Variants in EPHA5 observed in about 807,000 individuals in gnomAD.
EPHA5 encodes ephrin type-A receptor 5.
A neutral mutation model predicts 105.0 loss-of-function variants in EPHA5; 60 were observed. The observed-to-expected ratio is 0.57, with a 90% CI of 0.46 to 0.71. The LOEUF is 0.71. EPHA5 is among the 30% of genes least tolerant of loss of function. EPHA5 has a pLI of 0.00. For missense variants in EPHA5, 1,218 were observed against 1,274.7 expected (o/e 0.96, Z 0.68); for synonymous variants, 513 against 449.1 (o/e 1.14, Z -1.80).
intron 1 of EPHA5, among the ~76,000 whole-genome samples, chr4:65,650,855 A>T (rs1018941556): frequency 6.6e-6 from 1 of 152,190 alleles, no homozygotes; most frequent in African/African-American, 2.4e-5. Flanking sequence ...GTAAACCACC[A>T]ATATAATCAT....
intron 1 of EPHA5, among the ~76,000 whole-genome samples, chr4:65,664,988 T>C (rs1033939394): frequency 6.6e-6 from 1 of 151,934 alleles, no homozygotes; most frequent in Non-Finnish European, 1.5e-5. Context: ...TAACTTAAAT[T>C]GGAACTATTC....
At chr4:65,656,477 G>A (rs1287492231) in intron 1 of EPHA5, among the ~76,000 whole-genome samples, 2 of 150,100 alleles carry the variant, frequency 1.3e-5, no homozygotes, top group Non-Finnish European at 3.0e-5. Flanking sequence ...CCATATGCAT[G>A]TTTTCTTGTG....
intron 3 of EPHA5, among the ~76,000 whole-genome samples, chr4:65,552,321 A>G (rs983513077): frequency 1.3e-5 from 2 of 152,156 alleles, no homozygotes; most frequent in South Asian, 4.1e-4. Flanking sequence ...ATCTTTCCAC[A>G]CGGTTTATCC....
In EPHA5 at chr4:65,366,150, TA is replaced by T. The variant is rs1717891017; in HGVS notation, c.1862-94del. 4.9e-6 allele frequency: 6 copies of T among 1,213,258 alleles called. No homozygotes were observed. In the Admixed American group the frequency reaches 1.1e-4, roughly 23 times the overall value. The allele number at this position is 1,213,258 out of a possible 1,614,324, so 75.2% of individuals were successfully genotyped here. A position where few individuals can be genotyped will look rare whatever the true frequency, so the allele number is the denominator to read the frequency against. On this transcript the variant is annotated intron_variant, in intron 9 of 16. Coordinates refer to ENST00000613740, the MANE Select transcript of EPHA5 (RefSeq NM_001281766.3). ...AACATGCAAGTATGGCTTAAATCTC[TA>T]ATTCCTGGAAGTATTCAAACTGCAA...
At position 65,646,820 on chromosome 4, in the gene EPHA5, CTT is replaced by C. The variant is rs1748150953; in HGVS notation, c.182-3395_182-3394del. ...AATTAAAGTAATAAAATATTTTAGTCTTATTTATAAAAATAAAAACAGAATAT... is the reference window on the plus strand; with the variant it reads ...AATTAAAGTAATAAAATATTTTAGTCATTTATAAAAATAAAAACAGAATAT... On this transcript the variant is annotated intron_variant, in intron 1 of 16. Coordinates refer to ENST00000613740, the MANE Select transcript of EPHA5 (RefSeq NM_001281766.3). 2.0e-5 allele frequency among the ~76,000 whole-genome samples: 3 copies of C among 152,004 alleles called. 1 individual carries two copies. Among genetic ancestry groups the C allele is most frequent in the African/African-American group, 7.2e-5 (3 of 41,394 alleles).
At chr4:65,404,114 T>C (rs1418771692) in intron 8 of EPHA5, among the ~76,000 whole-genome samples, 1 of 152,100 alleles carries the variant, frequency 6.6e-6, no homozygotes, top group African/African-American at 2.4e-5. Context: ...TAAAGAGATA[T>C]AGCTATATTA....
At chr4:65,476,117 A>AGC (rs1293931481) in intron 5 of EPHA5, among the ~76,000 whole-genome samples, 22 of 127,862 alleles carry the variant, frequency 1.7e-4, no homozygotes, top group Admixed American at 4.1e-4. Context: ...AGAGAGAGAG[A>AGC]GAGAGAGAGA....
intron 1 of EPHA5, among the ~76,000 whole-genome samples, chr4:65,649,925 C>T (rs2149526100): frequency 6.6e-6 from 1 of 152,244 alleles, no homozygotes. Context: ...TGTACCATCC[C>T]TTCAAATCTC....
At chr4:65,433,032 A>G (rs1725123924) in intron 5 of EPHA5, among the ~76,000 whole-genome samples, 1 of 152,134 alleles carries the variant, frequency 6.6e-6, no homozygotes, top group Admixed American at 6.6e-5. Context: ...ATTCAAAGAG[A>G]GATGTAGCAT....
intron 1 of EPHA5, among the ~76,000 whole-genome samples, chr4:65,656,617 T>C (rs1272663554): frequency 1.4e-5 from 2 of 147,558 alleles, no homozygotes; most frequent in East Asian, 2.0e-4. Context: ...TATAATAATG[T>C]GATTGTTTAT....
chr4:65,491,783 T>C (rs1295253504), intron 4 of EPHA5, among the ~76,000 whole-genome samples: 1 of 152,062 alleles, frequency 6.6e-6, no homozygotes. Flanking sequence ...GGTAACCATA[T>C]CTTATTTGTA....
At chr4:65,661,484 A>G (rs537938038) in intron 1 of EPHA5, among the ~76,000 whole-genome samples, 5 of 152,312 alleles carry the variant, frequency 3.3e-5, no homozygotes, top group South Asian at 2.1e-4. Context: ...GTTTTCAAGT[A>G]TCTTCTACCT....
chr4:65,345,451 G>C (rs1337348338), intron 14 of EPHA5, among the ~76,000 whole-genome samples: 1 of 152,224 alleles, frequency 6.6e-6, no homozygotes, highest in African/African-American at 2.4e-5. Flanking sequence ...AGGCTGGCTG[G>C]AGCAGCCTGC....
At chr4:65,440,403 T>A (rs2149084168) in intron 5 of EPHA5, among the ~76,000 whole-genome samples, 1 of 151,998 alleles carries the variant, frequency 6.6e-6, no homozygotes, top group Non-Finnish European at 1.5e-5. Context: ...TAGTATTATG[T>A]GTGCAAAAAT....
chr4:65,405,072 A>C (rs1016531868), intron 7 of EPHA5, among the ~76,000 whole-genome samples: 1 of 152,180 alleles, frequency 6.6e-6, no homozygotes, highest in East Asian at 1.9e-4. Flanking sequence ...AAAAATATGA[A>C]GGTAAACATT....
intron 9 of EPHA5, among the ~76,000 whole-genome samples, chr4:65,366,572 CTT>C (rs1192183985): frequency 6.6e-6 from 1 of 151,886 alleles, no homozygotes; most frequent in Non-Finnish European, 1.5e-5. Flanking sequence ...TTAGACAAGA[CTT>C]ACGCTCTGTG....
At chr4:65,510,858 A>G (rs1172208629) in intron 3 of EPHA5, among the ~76,000 whole-genome samples, 2 of 152,220 alleles carry the variant, frequency 1.3e-5, no homozygotes, top group African/African-American at 4.8e-5. Flanking sequence ...AATTCCAAAA[A>G]GCTGTATCTC....
chr4:65,333,410 C>T lies in EPHA5; in HGVS notation c.2790-1282G>A, dbSNP rs185157515. Among the ~76,000 whole-genome samples the T allele has an allele frequency of 1.9e-3, 286 of 151,624 alleles. 3 individuals carry two copies. The highest frequency in any genetic ancestry group is 6.2e-4 in the Non-Finnish European group (42 of 67,844). ...AAATCTGTGAGCACTTTTCAAACTA[C>T]AAAATGACTGACCTCTTGGAAACAT... On this transcript the variant is annotated intron_variant, in intron 15 of 16. Transcript: ENST00000613740.
At chr4:65,645,685 G>C (rs184406693) in intron 1 of EPHA5, among the ~76,000 whole-genome samples, 45 of 151,222 alleles carry the variant, frequency 3.0e-4, no homozygotes, top group African/African-American at 1.0e-3. Flanking sequence ...TAGCTTGGCT[G>C]TTAATATAAT....
Sources: gnomAD v4.1 joint callset for allele counts (sites outside exome capture counted in the v4.1 genomes callset) on GRCh38, gnomAD v4.1.1 for gene constraint, MANE v1.5 for transcripts, NCBI Gene and HGNC (gene_info 2026-07-23, HGNC 2026-07-21) for gene names.